ARAP2: variants seen among roughly 807,000 people sequenced by gnomAD.
ARAP2 encodes the protein arf-GAP with Rho-GAP domain, ANK repeat and PH domain-containing protein 2.
A neutral mutation model predicts 194.5 loss-of-function variants in ARAP2; 148 were observed. The ratio of observed to expected loss-of-function variants is 0.76; its 90% confidence interval spans 0.67 to 0.87. The LOEUF is 0.87. ARAP2 is among the 40% of genes least tolerant of loss of function. ARAP2 has a pLI of 0.00. For synonymous variants in ARAP2, 695 were observed against 683.5 expected (o/e 1.02, Z -0.26); for missense variants, 2,128 against 1,989.7 (o/e 1.07, Z -1.32).
At chr4:36,219,233 C>T (rs955332613) in intron 2 of ARAP2, among the ~76,000 whole-genome samples, 8 of 152,288 alleles carry the variant, frequency 5.3e-5, no homozygotes, top group Middle Eastern at 3.4e-3. Flanking sequence ...CTGTACTCAA[C>T]GGCCATGCAT....
At position 36,192,168 on chromosome 4, in the gene ARAP2, GTTTTTTTT is replaced by G. The variant is rs569144058; in HGVS notation, c.1557+1402_1557+1409del. ...AGGAAACACCAAATCCAGTGTTTCT[GTTTTTTTT>G]TTTTTTTTTTTTTTTTTGCCAAAAT... On this transcript the variant is annotated intron_variant, in intron 7 of 32. Coordinates refer to ENST00000303965, the MANE Select transcript of ARAP2 (RefSeq NM_015230.4). Among the ~76,000 whole-genome samples the G allele has an allele frequency of 5.4e-4, 54 of 100,696 alleles. No individual in the cohort carries two copies. In the East Asian group the frequency reaches 0.011, roughly 20 times the overall value. 66.1% of individuals were successfully genotyped at this position (100,696 alleles called of 152,430 possible). A position where few individuals can be genotyped will look rare whatever the true frequency, so the allele number is the denominator to read the frequency against.
Position 36,166,945 on chromosome 4 carries a change from A to G in ARAP2, c.1960T>C (p.Tyr654His). 6.3e-7 allele frequency: 1 copy of G among 1,595,240 alleles called. No homozygotes were observed. Among genetic ancestry groups the G allele is most frequent in the Non-Finnish European group, 8.5e-7 (1 of 1,171,166 alleles). ...AAAATAGCTTACCTGAAACTCCTGT[A>G]GGGAGTGATTATTTCAAAAGATTGT... The part of the protein sequence containing the change: ...VKQSFEIITP[Y>H]RSFSFTAETE... Residue 654 changes from tyrosine to histidine, a missense_variant, in exon 10 of 33, where the codon TAC (tyrosine) becomes CAC (histidine). By Grantham distance (83) the Tyr-to-His change is moderately conservative (BLOSUM62 2). Transcript: ENST00000303965.
intron 1 of ARAP2, among the ~76,000 whole-genome samples, chr4:36,232,788 T>G (rs995561865): frequency 2.0e-5 from 3 of 152,220 alleles, no homozygotes; most frequent in East Asian, 3.9e-4. Context: ...ACCAGAGCTT[T>G]GCAAAGCACT....
chr4:36,180,462 G>A (rs531094998), intron 8 of ARAP2, among the ~76,000 whole-genome samples: 1 of 152,232 alleles, frequency 6.6e-6, no homozygotes, highest in East Asian at 1.9e-4. Flanking sequence ...GATCCAGATT[G>A]TACTACAATA....
intron 1 of ARAP2, among the ~76,000 whole-genome samples, chr4:36,237,125 T>C (rs1156951034): frequency 1.3e-5 from 2 of 152,234 alleles, no homozygotes; most frequent in African/African-American, 2.4e-5. Flanking sequence ...TAATATAGAA[T>C]TTAGTTTATC....
At chr4:36,237,894 T>G in intron 1 of ARAP2, among the ~76,000 whole-genome samples, 1 of 152,180 alleles carries the variant, frequency 6.6e-6, no homozygotes, top group South Asian at 2.1e-4. Flanking sequence ...ACTTAACTCT[T>G]TCCAAGAACC....
intron 5 of ARAP2, among the ~76,000 whole-genome samples, chr4:36,043,960 C>T (rs1380260161): frequency 6.6e-6 from 1 of 151,572 alleles, no homozygotes; most frequent in Non-Finnish European, 1.5e-5. Context: ...ATTGAATTGT[C>T]TGAGATACGT....
At position 36,052,818 on chromosome 4, in the gene ARAP2, A is replaced by C. The variant is rs900211572; in HGVS notation, n.322-765T>G. ...TCTCTACTAAAAATACAAAAACAAA[A>C]TGAGCCGGGCGTGGTGGCGGGTGCC... On this transcript the variant is annotated intron_variant and non_coding_transcript_variant, in intron 2 of 12. Transcript: ENST00000503225. Among the ~76,000 whole-genome samples, 7 of 151,822 alleles carry C rather than the reference A, an allele frequency of 4.6e-5. No individual in the cohort carries two copies. The Middle Eastern group carries it at 0.01, about 221-fold the overall frequency.
At chr4:36,102,695 G>C (rs1372921649) in intron 27 of ARAP2, among the ~76,000 whole-genome samples, 1 of 151,876 alleles carries the variant, frequency 6.6e-6, no homozygotes, top group Non-Finnish European at 1.5e-5. Flanking sequence ...CATGCTGTTT[G>C]TACTCTAATA....
chr4:36,172,437 G>T (rs1017424411), intron 9 of ARAP2, among the ~76,000 whole-genome samples: 1 of 151,952 alleles, frequency 6.6e-6, no homozygotes, highest in African/African-American at 2.4e-5. Context: ...TCATTTGAGG[G>T]TTCTAAAAGC....
At chr4:36,086,384 C>A (rs1318964918) in intron 28 of ARAP2, among the ~76,000 whole-genome samples, 1 of 152,100 alleles carries the variant, frequency 6.6e-6, no homozygotes, top group Non-Finnish European at 1.5e-5. Context: ...CATGCAGGCT[C>A]ATTACTTTAT....
intron 6 of ARAP2, among the ~76,000 whole-genome samples, chr4:36,204,674 A>G (rs1268893681): frequency 6.6e-6 from 1 of 152,188 alleles, no homozygotes; most frequent in Non-Finnish European, 1.5e-5. Context: ...GAATTTTCAG[A>G]TGAATGAGTA....
At chr4:36,100,302 G>A (rs961570504) in intron 27 of ARAP2, among the ~76,000 whole-genome samples, 4 of 152,008 alleles carry the variant, frequency 2.6e-5, no homozygotes, top group African/African-American at 9.7e-5. Flanking sequence ...CAGTGACAAG[G>A]AAATACACAA....
intron 22 of ARAP2, 48 bp from the exon 23 acceptor site, chr4:36,121,374 T>C (rs1722642984): frequency 1.3e-6 from 2 of 1,494,990 alleles, no homozygotes; most frequent in Admixed American, 4.4e-5. Context: ...TATTTGGAAA[T>C]TTCATAGAAC....
At chr4:36,006,801 T>C (rs949590417) in intron 10 of ARAP2, 4 of 152,172 alleles carry the variant, frequency 2.6e-5, no homozygotes, top group Admixed American at 6.5e-5. Flanking sequence ...ATATAACATA[T>C]ACAAGCAAAG....
At chr4:36,139,028 T>C (rs1727549504) in intron 19 of ARAP2, among the ~76,000 whole-genome samples, 1 of 151,736 alleles carries the variant, frequency 6.6e-6, no homozygotes, top group Non-Finnish European at 1.5e-5. Context: ...CTTCTAGTTA[T>C]ATGTATTCTG....
intron 1 of ARAP2, among the ~76,000 whole-genome samples, chr4:36,239,784 A>G (rs1046295042): frequency 3.3e-5 from 5 of 152,238 alleles, no homozygotes; most frequent in Non-Finnish European, 7.3e-5. Context: ...TTTACCCAGT[A>G]AAAAAGGAGA....
At chr4:36,201,690 A>G (rs1469041882) in intron 6 of ARAP2, among the ~76,000 whole-genome samples, 1 of 152,150 alleles carries the variant, frequency 6.6e-6, no homozygotes, top group African/African-American at 2.4e-5. Flanking sequence ...TTTCTTAAAA[A>G]TTATTTTTTA....
chr4:36,231,336 AAAAT>A (rs71653580), intron 1 of ARAP2, among the ~76,000 whole-genome samples: 35,703 of 151,146 alleles, frequency 0.24, 4,845 homozygotes, highest in South Asian at 0.31. Flanking sequence ...CTTCATCTCA[AAAAT>A]AAATAAATAA....
Sources: allele counts gnomAD v4.1 joint callset (sites outside exome capture counted in the v4.1 genomes callset), GRCh38; gene constraint gnomAD v4.1.1; transcripts MANE v1.5; gene names NCBI Gene and HGNC (gene_info 2026-07-23, HGNC 2026-07-21).